OSBPL1A: variants seen among roughly 807,000 people sequenced by gnomAD.
The protein encoded by OSBPL1A is oxysterol binding protein like 1A.
In OSBPL1A, 80 loss-of-function variants were observed where a neutral mutation model predicts 137.1. That is an observed-to-expected ratio of 0.58 (90% CI 0.49 to 0.70). The LOEUF (loss-of-function observed/expected upper bound fraction) is 0.70, where lower values mean the gene tolerates loss of function less well. Among genes scored for constraint, OSBPL1A ranks in the 30% least tolerant of loss-of-function variants. The pLI is 0.00. For missense variants in OSBPL1A, 970 were observed against 1,129.4 expected (o/e 0.86, Z 2.02); for synonymous variants, 365 against 389.7 (o/e 0.94, Z 0.75).
intron 15 of OSBPL1A, among the ~76,000 whole-genome samples, chr18:24,264,506 C>T (rs1599585235): frequency 6.6e-6 from 1 of 152,184 alleles, no homozygotes; most frequent in Non-Finnish European, 1.5e-5. Flanking sequence ...TCTGACAGGC[C>T]AGTTTAACAT....
intron 17 of OSBPL1A, among the ~76,000 whole-genome samples, chr18:24,197,158 G>A (rs1029296472): frequency 1.3e-5 from 2 of 152,092 alleles, no homozygotes; most frequent in African/African-American, 2.4e-5. Flanking sequence ...GACCAGCCTG[G>A]GCAACATAGT....
chr18:24,230,625 A>G (rs1487197841), intron 16 of OSBPL1A, among the ~76,000 whole-genome samples: 1 of 152,196 alleles, frequency 6.6e-6, no homozygotes, highest in African/African-American at 2.4e-5. Context: ...TATTTTTACA[A>G]TATACATAGC....
intron 18 of OSBPL1A, among the ~76,000 whole-genome samples, chr18:24,186,548 C>T (rs891654498): frequency 2.0e-5 from 3 of 152,092 alleles, no homozygotes; most frequent in Non-Finnish European, 4.4e-5. Flanking sequence ...CTTCCATCTG[C>T]TTTTCTGTAT....
rs770103540 is a variant in OSBPL1A at position 24,337,332 on chromosome 18, CAAAAT to C, written c.395-3007_395-3003del. Reference sequence around the variant, plus strand: ...CAATATATTGAGGCCTTTTCTCTATCAAAATAAAATAAAATAAAGTAATACATAAT... The same window carrying C: ...CAATATATTGAGGCCTTTTCTCTATCAAAATAAAATAAAGTAATACATAAT... On this transcript the variant is annotated intron_variant, in intron 5 of 27. Transcript: ENST00000319481. Among the ~76,000 whole-genome samples, 10 of 145,650 alleles carry C rather than the reference CAAAAT, an allele frequency of 6.9e-5. No homozygotes were observed. In the East Asian group the frequency reaches 1.4e-3, roughly 20 times the overall value.
intron 15 of OSBPL1A, among the ~76,000 whole-genome samples, chr18:24,264,893 T>C (rs1211013635): frequency 2.0e-5 from 3 of 152,186 alleles, no homozygotes; most frequent in African/African-American, 4.8e-5. Flanking sequence ...CTTGGGCAAG[T>C]AAATGACACT....
At chr18:24,397,358 A>G (rs1907827526) in intron 1 of OSBPL1A, among the ~76,000 whole-genome samples, 1 of 152,258 alleles carries the variant, frequency 6.6e-6, no homozygotes, top group African/African-American at 2.4e-5. Flanking sequence ...TAGGGGATGC[A>G]TGCGGCACCA....
At chr18:24,367,977 G>A (rs1905280277) in intron 3 of OSBPL1A, 1 of 190,720 alleles carries the variant, frequency 5.2e-6, no homozygotes, top group African/African-American at 2.4e-5. Context: ...AATTATTTAG[G>A]GTGTGCTTTG....
At chr18:24,175,102 GTGTATGTATATATA>G (rs1357580062) in intron 21 of OSBPL1A, among the ~76,000 whole-genome samples, 1,042 of 83,468 alleles carry the variant, frequency 0.012, 74 homozygotes, top group African/African-American at 0.075. Flanking sequence ...TATTTGCCAT[GTGTATGTATATATA>G]TATATATATA....
chr18:24,235,402 T>C lies in OSBPL1A; in HGVS notation c.1444+3818A>G, dbSNP rs549346839. 8.8e-5 allele frequency among the ~76,000 whole-genome samples: 11 copies of C among 124,820 alleles called. No individual in the cohort carries two copies. In the East Asian group the frequency reaches 4.7e-3, roughly 53 times the overall value. 81.9% of individuals were successfully genotyped at this position (124,820 alleles called of 152,430 possible). A position where few individuals can be genotyped will look rare whatever the true frequency, so the allele number is the denominator to read the frequency against. On this transcript the variant is annotated intron_variant, in intron 16 of 27. Coordinates refer to ENST00000319481, the MANE Select transcript of OSBPL1A (RefSeq NM_080597.4). ...ATGAGGCAGAGGAAAGTGAAGTAACTTTCCCAAGAGTAGGGGAATGGTAGA... is the reference window on the plus strand; with the variant it reads ...ATGAGGCAGAGGAAAGTGAAGTAACCTTCCCAAGAGTAGGGGAATGGTAGA...
intron 7 of OSBPL1A, among the ~76,000 whole-genome samples, chr18:24,329,783 TAA>T (rs921328817): frequency 3.9e-5 from 6 of 152,102 alleles, no homozygotes; most frequent in Non-Finnish European, 8.8e-5. Context: ...TATCTTTGTA[TAA>T]AAAAAGTCTC....
intron 19 of OSBPL1A, among the ~76,000 whole-genome samples, chr18:24,180,819 G>A (rs535739938): frequency 5.3e-5 from 8 of 152,246 alleles, no homozygotes; most frequent in South Asian, 4.2e-4. Context: ...GGAGCTTGCC[G>A]TGAGCCGAGA....
At chr18:24,354,748 CAAAAA>C (rs59694707) in intron 4 of OSBPL1A, among the ~76,000 whole-genome samples, 9,725 of 77,296 alleles carry the variant, frequency 0.13, 236 homozygotes, top group African/African-American at 0.15. Flanking sequence ...CTCAATATAG[CAAAAA>C]AAAAAAAAAA....
intron 13 of OSBPL1A, among the ~76,000 whole-genome samples, chr18:24,308,051 T>C (rs1568015759): frequency 6.6e-6 from 1 of 152,116 alleles, no homozygotes; most frequent in Non-Finnish European, 1.5e-5. Flanking sequence ...AATCATTTAT[T>C]CTTAAATCAG....
At chr18:24,190,198 G>A (rs1294377553) in intron 18 of OSBPL1A, among the ~76,000 whole-genome samples, 3 of 152,032 alleles carry the variant, frequency 2.0e-5, no homozygotes, top group Non-Finnish European at 4.4e-5. Context: ...AGCTTGCCCT[G>A]GATCACTCGG....
intron 17 of OSBPL1A, among the ~76,000 whole-genome samples, chr18:24,202,045 A>G (rs1184780792): frequency 2.0e-5 from 3 of 152,190 alleles, no homozygotes; most frequent in Non-Finnish European, 2.9e-5. Flanking sequence ...TGAGACACAC[A>G]TGAGCTCTTC....
In OSBPL1A at chr18:24,353,105, A is replaced by G. The variant is rs558683756; in HGVS notation, c.283-11447T>C. Reference sequence around the variant, plus strand: ...ACTAAAGAGCTTCTGCACAGCAAAAAAAACTACCATCAGAGTGAACAGGCA... The same window carrying G: ...ACTAAAGAGCTTCTGCACAGCAAAAGAAACTACCATCAGAGTGAACAGGCA... On this transcript the variant is annotated intron_variant, in intron 4 of 27. Transcript: ENST00000319481. Among the ~76,000 whole-genome samples, 9 of 152,130 alleles carry G rather than the reference A, an allele frequency of 5.9e-5. No individual in the cohort carries two copies. The South Asian group carries it at 1.2e-3, about 21-fold the overall frequency.
chr18:24,330,169 T>A (rs1333362374), intron 7 of OSBPL1A, among the ~76,000 whole-genome samples: 1 of 152,136 alleles, frequency 6.6e-6, no homozygotes, highest in Non-Finnish European at 1.5e-5. Context: ...CCTAATCACC[T>A]CTCACCCAAG....
intron 15 of OSBPL1A, among the ~76,000 whole-genome samples, chr18:24,241,195 C>T (rs2088678341): frequency 6.6e-6 from 1 of 152,150 alleles, no homozygotes; most frequent in Non-Finnish European, 1.5e-5. Flanking sequence ...CTAGGCAATA[C>T]CATTCAGGAC....
intron 23 of OSBPL1A, 140 bp downstream of exon 23, chr18:24,171,269 T>A: frequency 3.5e-6 from 2 of 573,690 alleles, no homozygotes; most frequent in Non-Finnish European, 6.2e-6. Flanking sequence ...CCTGACCTCG[T>A]GATCTGCCCA....
Sources: gnomAD v4.1 joint callset for allele counts (sites outside exome capture counted in the v4.1 genomes callset) on GRCh38, gnomAD v4.1.1 for gene constraint, MANE v1.5 for transcripts, NCBI Gene and HGNC (gene_info 2026-07-23, HGNC 2026-07-21) for gene names.